NBEA: variants seen among roughly 807,000 people sequenced by gnomAD.
The protein encoded by NBEA is neurobeachin.
A neutral mutation model predicts 343.4 loss-of-function variants in NBEA; 44 were observed. The observed-to-expected ratio is 0.13, with a 90% confidence interval of 0.10 to 0.16. The LOEUF is 0.16. NBEA is among the 10% of genes least tolerant of loss of function. The probability of loss-of-function intolerance (pLI) is 1.00; values close to 1 mark genes in which losing one functional copy is unlikely to be tolerated. For synonymous variants in NBEA, 1,175 were observed against 1,238.7 expected, an observed-to-expected ratio of 0.95 and a Z score of 1.08; for missense variants, 2,555 against 3,631.3, an observed-to-expected ratio of 0.70 and a Z score of 7.62.
At chr13:35,313,692 A>G (rs999685159) in intron 36 of NBEA, among the ~76,000 whole-genome samples, 2 of 152,116 alleles carry the variant, frequency 1.3e-5, no homozygotes, top group South Asian at 2.1e-4. Flanking sequence ...AGATTAAGTA[A>G]TTGCAAGTTT....
At chr13:35,183,386 G>A (rs1477545619) in intron 29 of NBEA, among the ~76,000 whole-genome samples, 1 of 151,892 alleles carries the variant, frequency 6.6e-6, no homozygotes, top group Non-Finnish European at 1.5e-5. Context: ...TAAATAAAAT[G>A]GATATTTCAA....
intron 35 of NBEA, among the ~76,000 whole-genome samples, chr13:35,295,354 C>T (rs1441621008): frequency 3.3e-5 from 5 of 151,730 alleles, no homozygotes; most frequent in African/African-American, 7.2e-5. Context: ...AGAAGAGCCA[C>T]TTTTTCATTT....
At chr13:35,193,319 A>G (rs1393489878) in intron 30 of NBEA, among the ~76,000 whole-genome samples, 1 of 151,860 alleles carries the variant, frequency 6.6e-6, no homozygotes, top group Non-Finnish European at 1.5e-5. Context: ...AATTTTGGCT[A>G]TTGCCTCAGT....
At chr13:35,243,101 A>G (rs1423441838) in intron 34 of NBEA, among the ~76,000 whole-genome samples, 4 of 151,940 alleles carry the variant, frequency 2.6e-5, no homozygotes, top group African/African-American at 9.7e-5. Context: ...TAAGCAATAT[A>G]TAAAGATATG....
chr13:35,404,666 A>T (rs570092333), intron 38 of NBEA, among the ~76,000 whole-genome samples: 1 of 149,770 alleles, frequency 6.7e-6, no homozygotes, highest in African/African-American at 2.4e-5. Context: ...TGACGAGTTA[A>T]TGGGTGCAGC....
intron 36 of NBEA, among the ~76,000 whole-genome samples, chr13:35,347,882 C>T (rs1179020262): frequency 2.0e-5 from 3 of 151,956 alleles, no homozygotes; most frequent in Non-Finnish European, 2.9e-5. Flanking sequence ...CCTGAGAGCC[C>T]GAGCAATTCT....
chr13:35,185,851 G>A (rs1257910410), intron 30 of NBEA: 1 of 152,106 alleles, frequency 6.6e-6, no homozygotes, highest in Non-Finnish European at 1.5e-5. Context: ...ATGCTGTAGT[G>A]CAGTGGTTAT....
chr13:35,143,503 G>A (rs560410554), intron 18 of NBEA, among the ~76,000 whole-genome samples: 1 of 151,170 alleles, frequency 6.6e-6, no homozygotes, highest in South Asian at 2.1e-4. Context: ...GATTTAGATG[G>A]CAAGGCCTTG....
At chr13:35,366,305 A>G (rs369624062) in intron 38 of NBEA, among the ~76,000 whole-genome samples, 28 of 151,522 alleles carry the variant, frequency 1.8e-4, no homozygotes, top group Middle Eastern at 3.2e-3. Context: ...GAAACATTCT[A>G]TTATACCAAC....
chr13:35,205,181 C>T (rs1161916078), intron 31 of NBEA, among the ~76,000 whole-genome samples: 2 of 152,052 alleles, frequency 1.3e-5, no homozygotes, highest in Admixed American at 6.6e-5. Context: ...TCCTTTAGTC[C>T]TAGATAAACA....
chr13:34,944,702 A>G (rs184768715), intron 1 of NBEA, among the ~76,000 whole-genome samples: 67 of 152,326 alleles, frequency 4.4e-4, no homozygotes, highest in East Asian at 7.7e-4. Context: ...AACTGTTAGT[A>G]TGTTAGCAGG....
intron 17 of NBEA, among the ~76,000 whole-genome samples, chr13:35,137,382 G>A (rs932691204): frequency 6.6e-5 from 10 of 151,744 alleles, no homozygotes; most frequent in Admixed American, 3.3e-4. Flanking sequence ...TGCAGGAGGC[G>A]GAGCTTGCAG....
intron 13 of NBEA, among the ~76,000 whole-genome samples, chr13:35,117,105 GA>G (rs1426606841): frequency 6.6e-6 from 1 of 150,516 alleles, no homozygotes; most frequent in South Asian, 2.1e-4. Context: ...AATAAAAACA[GA>G]AAAAAAAGCA....
At chr13:35,077,948 T>A (rs931934278) in intron 10 of NBEA, among the ~76,000 whole-genome samples, 2 of 152,156 alleles carry the variant, frequency 1.3e-5, no homozygotes, top group Non-Finnish European at 2.9e-5. Context: ...TCAGCAACAG[T>A]GTATAGTTGG....
intron 56 of NBEA, among the ~76,000 whole-genome samples, chr13:35,665,698 C>T (rs1471605274): frequency 6.6e-6 from 1 of 152,178 alleles, no homozygotes; most frequent in African/African-American, 2.4e-5. Context: ...GCAATCCAGG[C>T]TCCCTGCAAC....
intron 1 of NBEA, among the ~76,000 whole-genome samples, chr13:34,988,574 G>GCTAGC (rs2060641343): frequency 6.6e-6 from 1 of 151,050 alleles, no homozygotes; most frequent in African/African-American, 2.4e-5. Flanking sequence ...CAGTGAGCAA[G>GCTAGC]TCTCTGTGGG....
chr13:35,239,835 A>G (rs540220602), intron 34 of NBEA, among the ~76,000 whole-genome samples: 1 of 151,946 alleles, frequency 6.6e-6, no homozygotes, highest in Admixed American at 6.5e-5. Flanking sequence ...GGACTTTATC[A>G]TAGAGAAATA....
chr13:35,256,262 T>G (rs1032396591), intron 34 of NBEA, among the ~76,000 whole-genome samples: 1 of 152,156 alleles, frequency 6.6e-6, no homozygotes, highest in African/African-American at 2.4e-5. Flanking sequence ...CAGGTCATCC[T>G]GACAAGTCAA....
chr13:35,122,040 A>AT (rs60372212), intron 16 of NBEA, among the ~76,000 whole-genome samples: 5,659 of 152,258 alleles, frequency 0.037, 161 homozygotes, highest in African/African-American at 0.077. Flanking sequence ...TAATAGAAAA[A>AT]ATGGAATAAA....
Sources: gnomAD v4.1 joint callset for allele counts (sites outside exome capture counted in the v4.1 genomes callset) on GRCh38, gnomAD v4.1.1 for gene constraint, MANE v1.5 for transcripts, NCBI Gene and HGNC (gene_info 2026-07-23, HGNC 2026-07-21) for gene names.